Variants in PTPRO observed in about 807,000 individuals in gnomAD.
PTPRO encodes the protein receptor-type tyrosine-protein phosphatase O.
PTPRO carries 62 observed loss-of-function variants against 145.2 expected under a neutral mutation model. The ratio of observed to expected loss-of-function variants is 0.43; its 90% CI spans 0.35 to 0.53. The LOEUF is 0.53. PTPRO is among the 20% of genes least tolerant of loss of function. PTPRO has a pLI of 0.01. For missense variants in PTPRO, 1,345 were observed against 1,482.7 expected, an observed-to-expected ratio of 0.91 and a Z score of 1.53; for synonymous variants, 565 against 514.7, an observed-to-expected ratio of 1.10 and a Z score of -1.32.
At chr12:15,436,567 T>C (rs1490104360) in intron 1 of PTPRO, among the ~76,000 whole-genome samples, 1 of 152,164 alleles carries the variant, frequency 6.6e-6, no homozygotes, top group African/African-American at 2.4e-5. Flanking sequence ...GAGAGCACTT[T>C]GCTTCTCCTA....
At chr12:15,480,909 C>T (rs1490629911) in intron 1 of PTPRO, among the ~76,000 whole-genome samples, 2 of 152,176 alleles carry the variant, frequency 1.3e-5, no homozygotes, top group African/African-American at 4.8e-5. Flanking sequence ...GTTCATGATT[C>T]AGTCTTTAGT....
At chr12:15,340,022 G>A (rs968032462) in intron 1 of PTPRO, among the ~76,000 whole-genome samples, 2 of 152,152 alleles carry the variant, frequency 1.3e-5, no homozygotes, top group African/African-American at 4.8e-5. Context: ...GTTCTTCCAA[G>A]CCTCACTGCC....
intron 1 of PTPRO, among the ~76,000 whole-genome samples, chr12:15,358,251 G>A: frequency 9.7e-6 from 1 of 102,980 alleles, no homozygotes; most frequent in Admixed American, 1.2e-4. Flanking sequence ...GGGGAGGGGG[G>A]AGGGATAGCA....
rs1041590782 is a variant in PTPRO, at chr12:15,418,060, T to A, written c.76-65914T>A. 5.3e-5 allele frequency among the ~76,000 whole-genome samples: 8 copies of A among 151,632 alleles called. 2 individuals are homozygous for A. Among genetic ancestry groups the A allele is most frequent in the African/African-American group, 2.0e-4 (8 of 40,972 alleles). On this transcript the variant is annotated intron_variant, in intron 1 of 26. Coordinates refer to ENST00000281171, the MANE Select transcript of PTPRO (RefSeq NM_030667.3). The stretch of plus-strand genomic sequence containing the variant: ...TGTGCCAAAATGTAAATCACCTACA[T>A]CACTAGGCACACTCTTAATTTCAGC...
chr12:15,362,899 T>C (rs1456922110), intron 1 of PTPRO, among the ~76,000 whole-genome samples: 2 of 152,242 alleles, frequency 1.3e-5, no homozygotes, highest in African/African-American at 4.8e-5. Context: ...TCCACAACTT[T>C]CTAATTTCAA....
intron 1 of PTPRO, among the ~76,000 whole-genome samples, chr12:15,475,215 T>A (rs1016759038): frequency 6.6e-6 from 1 of 152,230 alleles, no homozygotes; most frequent in East Asian, 1.9e-4. Flanking sequence ...TGCTAAAACA[T>A]AGAGAAAGAA....
intron 1 of PTPRO, among the ~76,000 whole-genome samples, chr12:15,448,747 AC>A (rs1355315742): frequency 2.0e-5 from 3 of 152,196 alleles, no homozygotes; most frequent in Non-Finnish European, 4.4e-5. Context: ...AGCACTATTC[AC>A]AATAGCCAAG....
At chr12:15,595,399 T>A (rs1333582837) in intron 26 of PTPRO, 1 of 301,094 alleles carries the variant, frequency 3.3e-6, no homozygotes, top group Non-Finnish European at 6.5e-6. Context: ...TATCTAGATA[T>A]CTTGTGCAAA....
At chr12:15,567,238 C>A (rs569653379) in intron 18 of PTPRO, among the ~76,000 whole-genome samples, 5 of 152,242 alleles carry the variant, frequency 3.3e-5, no homozygotes, top group Admixed American at 6.5e-5. Context: ...GAAGACATTT[C>A]TTGAAAGGCT....
At chr12:15,510,195 A>G (rs754685752) in intron 7 of PTPRO, among the ~76,000 whole-genome samples, 1 of 152,222 alleles carries the variant, frequency 6.6e-6, no homozygotes, top group Non-Finnish European at 1.5e-5. Context: ...TTGTAAATTG[A>G]TAAGATGAAT....
At chr12:15,524,738 G>A in intron 10 of PTPRO, 76 bp from the exon 11 acceptor site, 1 of 1,478,418 alleles carries the variant, frequency 6.8e-7, no homozygotes, top group Non-Finnish European at 9.4e-7. Context: ...ACTCTATATG[G>A]GATTTCATGC....
At chr12:15,393,795 G>C (rs1325367765) in intron 1 of PTPRO, among the ~76,000 whole-genome samples, 1 of 152,016 alleles carries the variant, frequency 6.6e-6, no homozygotes, top group Non-Finnish European at 1.5e-5. Flanking sequence ...GAATACCTGG[G>C]ACTGGGTTAT....
At chr12:15,453,348 C>T (rs1024379271) in intron 1 of PTPRO, among the ~76,000 whole-genome samples, 1 of 151,976 alleles carries the variant, frequency 6.6e-6, no homozygotes, top group Non-Finnish European at 1.5e-5. Context: ...AAAATCTGGA[C>T]CATAGTCTGA....
At chr12:15,532,225 T>C (rs989098650) in intron 12 of PTPRO, among the ~76,000 whole-genome samples, 7 of 152,190 alleles carry the variant, frequency 4.6e-5, no homozygotes, top group South Asian at 2.1e-4. Context: ...TTAGACACTA[T>C]GGAAGTAAAA....
intron 1 of PTPRO, among the ~76,000 whole-genome samples, chr12:15,357,600 G>A (rs1323670273): frequency 2.0e-5 from 3 of 151,470 alleles, no homozygotes; most frequent in Admixed American, 6.6e-5. Context: ...CTTCTCAAAA[G>A]AAGACATTTA....
chr12:15,533,658 G>T (rs548900100), intron 12 of PTPRO, among the ~76,000 whole-genome samples: 1 of 152,202 alleles, frequency 6.6e-6, no homozygotes, highest in South Asian at 2.1e-4. Context: ...GTGTGTGTTT[G>T]TGTGTGTTTT....
intron 1 of PTPRO, among the ~76,000 whole-genome samples, chr12:15,451,797 C>T (rs192142525): frequency 1.6e-4 from 24 of 152,204 alleles, no homozygotes; most frequent in African/African-American, 4.6e-4. Flanking sequence ...TTGAACTGAA[C>T]AATAATAGTG....
At chr12:15,383,629 AG>A (rs1403235834) in intron 1 of PTPRO, among the ~76,000 whole-genome samples, 2 of 152,244 alleles carry the variant, frequency 1.3e-5, no homozygotes, top group Non-Finnish European at 2.9e-5. Context: ...TTAGGGGCAC[AG>A]AAGCTACAGG....
Position 15,515,489 on chromosome 12 carries a change from G to T in PTPRO, c.1465-9G>T, listed in dbSNP as rs201982128. 330 of 1,613,658 alleles carry T rather than the reference G, an allele frequency of 2.0e-4. 1 individual carries two copies. In the Middle Eastern group the frequency reaches 6.1e-3, roughly 30 times the overall value. On this transcript the variant is annotated splice_polypyrimidine_tract_variant and intron_variant, in intron 7 of 26. Transcript: ENST00000281171. ...TCTAAATAAATCTTATTGGGTGTTT[G>T]GTTTAAAGGTGAACTCAAGCAAACC...
Sources: allele counts gnomAD v4.1 joint callset (sites outside exome capture counted in the v4.1 genomes callset), GRCh38; gene constraint gnomAD v4.1.1; transcripts MANE v1.5; gene names NCBI Gene and HGNC (gene_info 2026-07-23, HGNC 2026-07-21).